KALRN: variants seen among roughly 807,000 people sequenced by gnomAD.
The protein encoded by KALRN is kalirin RhoGEF kinase, also known as kalirin.
In KALRN, 70 loss-of-function variants were observed where a neutral mutation model predicts 353.7. The observed-to-expected ratio is 0.20, with a 90% CI of 0.16 to 0.24. The LOEUF is 0.24. Among genes scored for constraint, KALRN ranks in the 10% least tolerant of loss-of-function variants. The pLI, the probability that KALRN is intolerant of heterozygous loss-of-function variation, is 1.00. For synonymous variants in KALRN, 1,391 were observed against 1,434.8 expected, an observed-to-expected ratio of 0.97 and a Z score of 0.69; for missense variants, 2,791 against 3,756.7, an observed-to-expected ratio of 0.74 and a Z score of 6.72.
chr3:124,123,267 GA>G (rs1286069622), intron 1 of KALRN, among the ~76,000 whole-genome samples: 1 of 151,188 alleles, frequency 6.6e-6, no homozygotes, highest in African/African-American at 2.4e-5. Flanking sequence ...GAATGCAAAG[GA>G]AAAATTCTTG....
chr3:124,277,399 G>C (rs1280353540), intron 5 of KALRN, among the ~76,000 whole-genome samples: 1 of 152,150 alleles, frequency 6.6e-6, no homozygotes, highest in Non-Finnish European at 1.5e-5. Flanking sequence ...TCAGGGCAAG[G>C]AAGTGTGTCT....
At chr3:124,139,340 A>C (rs2066334246) in intron 1 of KALRN, among the ~76,000 whole-genome samples, 1 of 152,330 alleles carries the variant, frequency 6.6e-6, no homozygotes, top group Admixed American at 6.5e-5. Flanking sequence ...AAGCTTCCAC[A>C]GAAACAGAAC....
intron 3 of KALRN, among the ~76,000 whole-genome samples, chr3:124,250,061 G>C (rs147924836): frequency 0.014 from 1,874 of 138,634 alleles, 28 homozygotes; most frequent in African/African-American, 0.04. Context: ...GGCATGGCCT[G>C]GGGGGGGTGG....
chr3:124,665,941 A>G (rs2085550590), intron 45 of KALRN, among the ~76,000 whole-genome samples: 1 of 152,206 alleles, frequency 6.6e-6, no homozygotes, highest in Non-Finnish European at 1.5e-5. Flanking sequence ...TTATCAGAGT[A>G]TCTGTGGTCC....
intron 1 of KALRN, among the ~76,000 whole-genome samples, chr3:124,086,481 T>G (rs1247370448): frequency 2.0e-5 from 3 of 152,150 alleles, no homozygotes; most frequent in Non-Finnish European, 4.4e-5. Context: ...TCCTTATCTG[T>G]GGGTTGCCTG....
chr3:124,305,297 A>G (rs1269690919), intron 6 of KALRN, among the ~76,000 whole-genome samples: 1 of 152,232 alleles, frequency 6.6e-6, no homozygotes, highest in Non-Finnish European at 1.5e-5. Flanking sequence ...TGGTAGATCC[A>G]TTGGCGACAT....
At chr3:124,236,379 A>G (rs1362420449) in intron 3 of KALRN, among the ~76,000 whole-genome samples, 1 of 152,190 alleles carries the variant, frequency 6.6e-6, no homozygotes, top group Non-Finnish European at 1.5e-5. Context: ...GATATAGGTA[A>G]TTTAGCAATT....
At chr3:124,603,274 C>T (rs1329580375) in intron 34 of KALRN, among the ~76,000 whole-genome samples, 1 of 152,192 alleles carries the variant, frequency 6.6e-6, no homozygotes, top group South Asian at 2.1e-4. Context: ...ATTGACTCTC[C>T]GGAGGAGGCT....
chr3:124,152,593 CTTTTTTT>C (rs58613752), intron 1 of KALRN: 1 of 55,068 alleles, frequency 1.8e-5, no homozygotes, highest in Non-Finnish European at 4.3e-5. Context: ...TTCTTTCTTT[CTTTTTTT>C]TTTTTTTTTT....
rs1244123632 is a variant in KALRN, at chr3:124,495,980, T to TATATATAC, written c.4833-324_4833-323insCATATATA. Among the ~76,000 whole-genome samples, 50 of 35,000 alleles carry TATATATAC rather than the reference T, an allele frequency of 1.4e-3. 3 individuals are homozygous for TATATATAC. The highest frequency in any genetic ancestry group is 1.8e-3 in the Non-Finnish European group (35 of 19,366). 23.0% of individuals were successfully genotyped at this position (35,000 alleles called of 152,430 possible). On this transcript the variant is annotated intron_variant, in intron 32 of 59. Coordinates refer to ENST00000682506, the MANE Select transcript of KALRN (RefSeq NM_001388419.1). ...GTGTATGTATGTATATATATATATA[T>TATATATAC]ATATATATATATATATATATATATA...
At chr3:124,674,206 G>C (rs1419165984) in intron 48 of KALRN, among the ~76,000 whole-genome samples, 158 bp from the exon 49 acceptor site, 2 of 152,176 alleles carry the variant, frequency 1.3e-5, no homozygotes, top group Admixed American at 1.3e-4. Context: ...TTCAGAGCAT[G>C]TTTATTAATA....
intron 33 of KALRN, among the ~76,000 whole-genome samples, chr3:124,545,693 A>G (rs1013117954): frequency 3.9e-5 from 6 of 152,166 alleles, no homozygotes; most frequent in Non-Finnish European, 8.8e-5. Context: ...ATCCCACCTT[A>G]ATTGTGGATG....
At chr3:124,443,448 C>T (rs984361664) in intron 19 of KALRN, among the ~76,000 whole-genome samples, 1 of 152,174 alleles carries the variant, frequency 6.6e-6, no homozygotes, top group African/African-American at 2.4e-5. Flanking sequence ...TTGGAGAGAA[C>T]AGAGACCACT....
intron 21 of KALRN, among the ~76,000 whole-genome samples, chr3:124,453,766 GGT>G (rs1382812784): frequency 6.6e-6 from 1 of 152,006 alleles, no homozygotes; most frequent in African/African-American, 2.4e-5. Context: ...CTGCTTGTTG[GGT>G]GTCTCTCTCA....
At chr3:124,388,246 C>A (rs1009669658) in intron 11 of KALRN, among the ~76,000 whole-genome samples, 1 of 152,036 alleles carries the variant, frequency 6.6e-6, no homozygotes, top group African/African-American at 2.4e-5. Context: ...AAACTTCCTC[C>A]CAAATTTTTC....
At chr3:124,619,641 C>T (rs1331679939) in intron 34 of KALRN, among the ~76,000 whole-genome samples, 1 of 151,984 alleles carries the variant, frequency 6.6e-6, no homozygotes, top group African/African-American at 2.4e-5. Context: ...TGCATGCCAC[C>T]ACACCCAGCT....
chr3:124,257,559 A>G (rs1368303675), intron 3 of KALRN, among the ~76,000 whole-genome samples: 1 of 152,252 alleles, frequency 6.6e-6, no homozygotes, highest in African/African-American at 2.4e-5. Context: ...CATTTGGTAT[A>G]CATTTATGAC....
chr3:124,540,455 A>T (rs948953564), intron 33 of KALRN, among the ~76,000 whole-genome samples: 1 of 152,084 alleles, frequency 6.6e-6, no homozygotes, highest in Non-Finnish European at 1.5e-5. Context: ...TTTAGACATA[A>T]TATGATAACA....
At chr3:124,090,652 G>T (rs1379906751) in intron 1 of KALRN, among the ~76,000 whole-genome samples, 1 of 152,186 alleles carries the variant, frequency 6.6e-6, no homozygotes, top group Non-Finnish European at 1.5e-5. Context: ...GACTCTCAGG[G>T]TGTTGGGGGA....
Sources: allele counts gnomAD v4.1 joint callset (sites outside exome capture counted in the v4.1 genomes callset), GRCh38; gene constraint gnomAD v4.1.1; transcripts MANE v1.5; gene names NCBI Gene and HGNC (gene_info 2026-07-23, HGNC 2026-07-21).